The following SLC36A1 variants were observed in gnomAD, a reference collection of about 807,000 sequenced individuals.
SLC36A1 encodes the protein solute carrier family 36 member 1.
In SLC36A1, 30 loss-of-function variants were observed where a neutral mutation model predicts 47.5. The ratio of observed to expected loss-of-function variants is 0.63; its 90% CI spans 0.47 to 0.86. SLC36A1 has a LOEUF of 0.86. SLC36A1 is among the 40% of genes least tolerant of loss of function. The pLI is 0.00. For missense variants in SLC36A1, 517 were observed against 606.0 expected (o/e 0.85, Z 1.54); for synonymous variants, 255 against 249.7 (o/e 1.02, Z -0.20).
rs1438273501 is a variant in SLC36A1 at position 151,488,067 on chromosome 5, TC to T, written c.1247del (p.Pro416HisfsTer14). On this transcript the variant is annotated frameshift_variant, in exon 11 of 11. Transcript: ENST00000243389. LOFTEE classifies it high-confidence loss of function. ...SVSSSALALI[I>X]PPLLEVTTFY... ...AGCAGCAGCGCCCTGGCCCTCATCA[TC>T]CCACCGCTCCTGGAGGTCACCACCT... The T allele has an allele frequency of 6.2e-7, 1 of 1,614,084 alleles. No homozygotes were observed. The highest frequency in any genetic ancestry group is 1.3e-5 in the African/African-American group (1 of 75,030).
At chr5:151,526,054 G>A in the SLC36A1 span, 1 of 1,256,048 alleles carries the variant, frequency 8.0e-7, no homozygotes, top group Non-Finnish European at 1.1e-6. Flanking sequence ...TCTGGAATGA[G>A]TCCTCAGCAC....
the SLC36A1 span, among the ~76,000 whole-genome samples, chr5:151,413,316 C>A: frequency 6.8e-6 from 1 of 147,012 alleles, no homozygotes; most frequent in Non-Finnish European, 1.5e-5. Flanking sequence ...GAAAAATTGT[C>A]TTTGGAGACT....
the SLC36A1 span, among the ~76,000 whole-genome samples, chr5:151,498,417 T>C: frequency 6.6e-6 from 1 of 152,214 alleles, no homozygotes; most frequent in Non-Finnish European, 1.5e-5. Context: ...TCTCCTTTAA[T>C]ACTCAAATCC....
the SLC36A1 span, among the ~76,000 whole-genome samples, chr5:151,384,987 G>T: frequency 0.019 from 1,615 of 85,734 alleles, 16 homozygotes; most frequent in South Asian, 0.039. Flanking sequence ...TGTGTGTGTG[G>T]GTGTGTGAGA....
chr5:151,517,509 T>C, the SLC36A1 span: 1 of 1,346,500 alleles, frequency 7.4e-7, no homozygotes, highest in Non-Finnish European at 1.0e-6. Context: ...CTGAAAACTG[T>C]GCAGGGATTT....
At chr5:151,424,337 G>A in the SLC36A1 span, among the ~76,000 whole-genome samples, 2 of 152,328 alleles carry the variant, frequency 1.3e-5, no homozygotes, top group East Asian at 3.9e-4. Context: ...CAGTGATGCT[G>A]GAGGAAGAAA....
At chr5:151,366,510 C>A in the SLC36A1 span, 1 of 303,690 alleles carries the variant, frequency 3.3e-6, no homozygotes. Flanking sequence ...TCAGGGCGTC[C>A]TTGGTGATGA....
the SLC36A1 span, among the ~76,000 whole-genome samples, chr5:151,410,918 A>G: frequency 8.3e-5 from 12 of 144,598 alleles, 2 homozygotes; most frequent in Non-Finnish European, 1.2e-4. Context: ...GCTGTGTGAC[A>G]ACGAAAAATA....
At chr5:151,544,864 A>G in the SLC36A1 span, 5 of 1,614,178 alleles carry the variant, frequency 3.1e-6, no homozygotes, top group Non-Finnish European at 4.2e-6. Context: ...CTGAAAGAGG[A>G]CATCCCCTGG....
intron 10 of SLC36A1, among the ~76,000 whole-genome samples, chr5:151,485,046 G>A (rs1413181971): frequency 6.6e-6 from 1 of 152,146 alleles, no homozygotes; most frequent in East Asian, 1.9e-4. Context: ...TTGAGCGTTA[G>A]ATGACCTATG....
At chr5:151,437,214 A>G (rs1380704568) in intron 1 of SLC36A1, 1 of 152,224 alleles carries the variant, frequency 6.6e-6, no homozygotes, top group Non-Finnish European at 1.5e-5. Context: ...GTTGGGTGGA[A>G]GCCATGAACA....
chr5:151,467,826 G>A lies in SLC36A1; in HGVS notation c.624G>A (p.Leu208=). The A allele has an allele frequency of 6.2e-7, 1 of 1,613,960 alleles. No individual in the cohort carries two copies. Among genetic ancestry groups the A allele is most frequent in the Non-Finnish European group, 8.5e-7 (1 of 1,179,982 alleles). ...CCTTCCTGCCCTTCCTGGTGCTGCTGGTTTTCATCAGGAACCTCCGAGCCC... is the reference window on the plus strand; with the variant it reads ...CCTTCCTGCCCTTCCTGGTGCTGCTAGTTTTCATCAGGAACCTCCGAGCCC... The part of the protein sequence containing the change: ...MLSFLPFLVL[L]VFIRNLRALS... Residue 208 remains leucine (L), a synonymous_variant, in exon 7 of 11, where the codon CTG becomes CTA. Transcript: ENST00000243389.
the SLC36A1 span, among the ~76,000 whole-genome samples, chr5:151,388,309 C>T: frequency 2.0e-5 from 3 of 151,976 alleles, no homozygotes; most frequent in Non-Finnish European, 4.4e-5. Context: ...CAAGACCAGA[C>T]GGTCCAACAT....
In SLC36A1 at chr5:151,482,815, T is replaced by G. The variant is rs145319420; in HGVS notation, c.1159+3326T>G. 9.9e-5 allele frequency among the ~76,000 whole-genome samples: 15 copies of G among 152,266 alleles called. No individual in the cohort carries two copies. The East Asian group carries it at 2.9e-3, about 29-fold the overall frequency. On this transcript the variant is annotated intron_variant, in intron 10 of 10. Transcript: ENST00000243389. ...ATACTGTCCAAGACTACTATGAATTTTAAAGGCATATTTATAGACATTTAA... is the reference window on the plus strand; with the variant it reads ...ATACTGTCCAAGACTACTATGAATTGTAAAGGCATATTTATAGACATTTAA...
chr5:151,512,667 A>G, the SLC36A1 span: 1 of 1,416,340 alleles, frequency 7.1e-7, no homozygotes, highest in Non-Finnish European at 9.6e-7. The surrounding 1 kb of genome is among the most constrained non-coding windows in gnomAD (Gnocchi z 4.1). Context: ...ACCTGCTAAG[A>G]GGCTGCCAGT....
upstream of SLC36A1, among the ~76,000 whole-genome samples, chr5:151,447,017 C>T (rs1195123267): frequency 1.3e-5 from 2 of 149,076 alleles, no homozygotes; most frequent in African/African-American, 2.5e-5. Context: ...CAATGATCTT[C>T]TCTGTCTCTT....
At chr5:151,452,058 A>G (rs867880657) in intron 1 of SLC36A1, among the ~76,000 whole-genome samples, 2 of 152,230 alleles carry the variant, frequency 1.3e-5, no homozygotes, top group South Asian at 4.2e-4. Flanking sequence ...CCTGGCCCTA[A>G]CATTTAGTGA....
At chr5:151,537,542 T>C in the SLC36A1 span, among the ~76,000 whole-genome samples, 1 of 152,314 alleles carries the variant, frequency 6.6e-6, no homozygotes, top group East Asian at 1.9e-4. Context: ...TTCTGCACTT[T>C]TTCTTAATTT....
chr5:151,382,103 C>T, the SLC36A1 span: 6 of 809,486 alleles, frequency 7.4e-6, no homozygotes, highest in African/African-American at 1.0e-4. Context: ...TGACAGTCAT[C>T]CACATGGTGC....
Sources: gnomAD v4.1 joint callset for allele counts (sites outside exome capture counted in the v4.1 genomes callset) on GRCh38, gnomAD v4.1.1 for gene constraint, Gnocchi (gnomAD v3.1) non-coding constraint, MANE v1.5 for transcripts, NCBI Gene and HGNC (gene_info 2026-07-23, HGNC 2026-07-21) for gene names.